The following LILRB5 variants were observed in gnomAD, a reference collection of about 807,000 sequenced individuals.
LILRB5 encodes the protein leukocyte immunoglobulin like receptor B5.
A neutral mutation model predicts 68.4 loss-of-function variants in LILRB5; 61 were observed. That is an observed-to-expected ratio of 0.89 (90% confidence interval 0.73 to 1.10). The LOEUF (loss-of-function observed/expected upper bound fraction) is 1.10. LILRB5 is among the 50% of genes least tolerant of loss of function. LILRB5 has a pLI of 0.00. For synonymous variants in LILRB5, 356 were observed against 315.8 expected (o/e 1.13, Z -1.35); for missense variants, 771 against 751.6 (o/e 1.03, Z -0.30).
chr19:54,255,868 G>A (rs2079123081), intron 4 of LILRB5, 175 bp downstream of exon 4: 1 of 661,450 alleles, frequency 1.5e-6, no homozygotes, highest in Non-Finnish European at 2.5e-6. Flanking sequence ...CCAGGTGAGG[G>A]TGACTCAGGC....
At chr19:54,256,460 G>A (rs1250121323) in intron 3 of LILRB5, 29 bp downstream of exon 3, 1 of 1,611,768 alleles carries the variant, frequency 6.2e-7, no homozygotes, top group East Asian at 2.2e-5. Flanking sequence ...GGCAGAGCCT[G>A]GGGCTGGGAC....
At position 54,256,562 on chromosome 19, in the gene LILRB5, C is replaced by CTGTCACATGA; in HGVS notation, c.281_282insTCATGTGACA (p.Arg95HisfsTer10). 1 of 1,614,144 alleles carries CTGTCACATGA rather than the reference C, an allele frequency of 6.2e-7. No individual in the cohort carries two copies. Among genetic ancestry groups the CTGTCACATGA allele is most frequent in the Non-Finnish European group, 8.5e-7 (1 of 1,180,004 alleles). ...GGGTCTCATAGTAGCAGCGGTATCG[C>CTGTCACATGA]CCTGCACTGTCATACACCGTGGATG... is the stretch of plus-strand genomic sequence containing the variant. On this transcript the variant is annotated frameshift_variant, in exon 3 of 13. Coordinates refer to ENST00000449561, the MANE Select transcript of LILRB5 (RefSeq NM_001081442.3). LOFTEE classifies it high-confidence loss of function.
At position 54,255,351 on chromosome 19, in the gene LILRB5, T is replaced by C; in HGVS notation, c.887A>G (p.Tyr296Cys). The change falls in exon 5 of 13, where the codon TAC becomes TGC. Residue 296 changes from tyrosine to cysteine, a missense_variant. Coordinates refer to ENST00000449561, the MANE Select transcript of LILRB5 (RefSeq NM_001081442.3). Reference protein sequence around the residue: ...SRSHGGQYRCYGAHNLSPRWS... With the variant: ...SRSHGGQYRCCGAHNLSPRWS... ...CCTAGGGGAGAGGTTGTGTGCACCG[T>C]AGCATCTGTACTGGCCCCCGTGGGA... is the stretch of plus-strand genomic sequence containing the variant. The C allele has an allele frequency of 3.1e-6, 5 of 1,613,936 alleles. No individual in the cohort carries two copies. Among genetic ancestry groups the C allele is most frequent in the Non-Finnish European group, 4.2e-6 (5 of 1,179,976 alleles).
intron 9 of LILRB5, 21 bp from the exon 10 acceptor site, chr19:54,252,570 G>T (rs74753710): frequency 0.025 from 39,933 of 1,613,064 alleles, 850 homozygotes; most frequent in South Asian, 0.081. Flanking sequence ...ATGGACAGAG[G>T]GTCAGGCCTG....
rs1308518251 is a variant in LILRB5, at chr19:54,254,853, T to C, written c.1137A>G (p.Glu379=). The C allele has an allele frequency of 1.2e-6, 2 of 1,614,104 alleles. No homozygotes were observed. The highest frequency in any genetic ancestry group is 2.2e-5 in the South Asian group (2 of 91,080). Residue 379 remains glutamate (E), a synonymous_variant, in exon 6 of 13, where the codon GAA becomes GAG. Coordinates refer to ENST00000449561, the MANE Select transcript of LILRB5 (RefSeq NM_001081442.3). ...CTGAGGTCACAGGACTCATGGAGAA[T>C]TCAGCCTGGTGTCTATAAGACTGGT... ...SKYQSYRHQA[E]FSMSPVTSAQ...
chr19:54,256,294 G>A lies in LILRB5; in HGVS notation c.404C>T (p.Ala135Val). ...CTGGAGGGTCACATTTCCTCCTGAG[G>A]CCACCACAGGACTCGGCAGGGCTAA... ...TLLALPSPVV[A>V]SGGNVTLQCD... The change falls in exon 4 of 13, where the codon GCC becomes GTC. Residue 135 changes from alanine (A) to valine (V), a missense_variant. Physicochemically the swap from Ala to Val is moderately conservative, Grantham distance 64. Coordinates refer to ENST00000449561, the MANE Select transcript of LILRB5 (RefSeq NM_001081442.3). 6.2e-7 allele frequency: 1 copy of A among 1,613,330 alleles called. No individual in the cohort carries two copies. The highest frequency in any genetic ancestry group is 8.5e-7 in the Non-Finnish European group (1 of 1,179,846).
chr19:54,254,350 G>A lies in LILRB5; in HGVS notation c.1306+15C>T, dbSNP rs1033546756. On this transcript the variant is annotated intron_variant, in intron 7 of 12. Transcript: ENST00000449561. ...GACCACGCTCCCTCCGAGCCCAGAG[G>A]CCTCAGTGACTCACCAGGTGTGGGG... The A allele has an allele frequency of 1.9e-6, 3 of 1,568,508 alleles. No individual in the cohort carries two copies. The highest frequency in any genetic ancestry group is 1.7e-4 in the Middle Eastern group (1 of 5,982).
Position 54,254,389 on chromosome 19 carries a change from G to C in LILRB5, c.1282C>G (p.Pro428Ala). ...SGPSGDPSLS[P>A]TGSTPTPAGP... ...CCAGGTGTGGGGGTGGAGCCTGTAG[G>C]TGAGAGGCTGGGATCCCCAGAGGGT... The change falls in exon 7 of 13, where the codon CCT (proline) becomes GCT (alanine). Residue 428 changes from proline to alanine, a missense_variant. Coordinates refer to ENST00000449561, the MANE Select transcript of LILRB5 (RefSeq NM_001081442.3). 1 of 1,585,646 alleles carries C rather than the reference G, an allele frequency of 6.3e-7. No homozygotes were observed. Among genetic ancestry groups the C allele is most frequent in the Non-Finnish European group, 8.6e-7 (1 of 1,165,916 alleles).
At chr19:54,253,559 A>C in intron 8 of LILRB5, 1 of 388,182 alleles carries the variant, frequency 2.6e-6, no homozygotes, top group South Asian at 2.9e-5. Flanking sequence ...GCCAGGTCCC[A>C]TGATTTTGCT....
chr19:54,252,584 G>T, intron 9 of LILRB5, 35 bp from the exon 10 acceptor site: 4 of 1,611,478 alleles, frequency 2.5e-6, no homozygotes, highest in Non-Finnish European at 2.5e-6. Flanking sequence ...AGGCCTGGGA[G>T]AATTCGAACC....
In LILRB5 at chr19:54,254,837, C is replaced by T; in HGVS notation, c.1153G>A (p.Val385Met). 2 of 1,614,156 alleles carry T rather than the reference C, an allele frequency of 1.2e-6. No individual in the cohort carries two copies. ...RHQAEFSMSPVTSAQGGTYRC... is the reference protein window; with the variant it reads ...RHQAEFSMSPMTSAQGGTYRC... ...TAGGTTCCACCCTGGGCTGAGGTCA[C>T]AGGACTCATGGAGAATTCAGCCTGG... The change falls in exon 6 of 13, where the codon GTG (valine) becomes ATG (methionine). Residue 385 changes from valine (V) to methionine (M), a missense_variant. Physicochemically the swap from Val to Met is conservative, Grantham distance 21. Coordinates refer to ENST00000449561, the MANE Select transcript of LILRB5 (RefSeq NM_001081442.3).
chr19:54,256,405 G>A, intron 3 of LILRB5, 63 bp from the exon 4 acceptor site: 1 of 1,591,002 alleles, frequency 6.3e-7, no homozygotes, highest in Non-Finnish European at 8.6e-7. Context: ...CCCAGGGCTG[G>A]GCTGTGAGAG....
Position 54,256,102 on chromosome 19 carries a change from T to G in LILRB5, c.596A>C (p.Tyr199Ser), listed in dbSNP as rs1467179906. Reference protein sequence around the residue: ...CRWRFRCYYYYRKNPQVWSNP... With the variant: ...CRWRFRCYYYSRKNPQVWSNP... The stretch of plus-strand genomic sequence containing the variant: ...CGACCACACCTGAGGGTTTTTCCTG[T>G]AATAGTAATAGCATCTGAACCTCCA... The change falls in exon 4 of 13, where the codon TAC (tyrosine) becomes TCC (serine). Residue 199 changes from tyrosine (Y) to serine (S), a missense_variant. Coordinates refer to ENST00000449561, the MANE Select transcript of LILRB5 (RefSeq NM_001081442.3). 3 of 1,593,250 alleles carry G rather than the reference T, an allele frequency of 1.9e-6. No individual in the cohort carries two copies. The South Asian group carries it at 3.4e-5, about 18-fold the overall frequency.
At chr19:54,251,662 C>T (rs1011016695) in intron 12 of LILRB5, 95 of 613,904 alleles carry the variant, frequency 1.5e-4, no homozygotes, top group Non-Finnish European at 2.1e-4. Flanking sequence ...GAGGCGGGGG[C>T]GGCTTTGCTC....
At chr19:54,251,800 G>A (rs61016867) in intron 12 of LILRB5, 125,591 of 700,038 alleles carry the variant, frequency 0.18, 12,211 homozygotes, top group Middle Eastern at 0.26. Flanking sequence ...ATCCTCCTGA[G>A]GCCTGGGGAG....
intron 1 of LILRB5, 52 bp downstream of exon 1, chr19:54,257,108 G>A: frequency 1.2e-6 from 2 of 1,614,026 alleles, no homozygotes; most frequent in Non-Finnish European, 1.7e-6. Context: ...CCTCGCTTTA[G>A]AGTGAGCTCC....
Position 54,257,204 on chromosome 19 carries a change from C to T in LILRB5, c.-11G>A. ...GAGGGTGAGGGTCATGGCGTCAGCT[C>T]CCACTGGACTCAGCTGTGCAGGCGG... is the stretch of plus-strand genomic sequence containing the variant. On this transcript the variant is annotated 5_prime_UTR_variant, in exon 1 of 13. Coordinates refer to ENST00000449561, the MANE Select transcript of LILRB5 (RefSeq NM_001081442.3). The T allele has an allele frequency of 6.2e-7, 1 of 1,614,198 alleles. No homozygotes were observed. The highest frequency in any genetic ancestry group is 8.5e-7 in the Non-Finnish European group (1 of 1,180,016).
Position 54,254,905 on chromosome 19 carries a change from TGGGCTGCCCCCTCCTTG to T in LILRB5, c.1068_1084del (p.Lys357SerfsTer13). 6.2e-7 allele frequency: 1 copy of T among 1,614,008 alleles called. No homozygotes were observed. The highest frequency in any genetic ancestry group is 2.2e-5 in the East Asian group (1 of 44,874). On this transcript the variant is annotated frameshift_variant, in exon 6 of 13. Transcript: ENST00000449561. LOFTEE classifies it high-confidence loss of function. ...CTTTGACTTTAGACACAGCGGGGGA[TGGGCTGCCCCCTCCTTG>T]GTCAAAAAGAAAGTGTCTATCTGAT...
Position 54,256,717 on chromosome 19 carries a change from T to TC in LILRB5, c.126dup (p.Lys43GlufsTer14), listed in dbSNP as rs1569065574. 6.2e-7 allele frequency: 1 copy of TC among 1,613,896 alleles called. No homozygotes were observed. Among genetic ancestry groups the TC allele is most frequent in the South Asian group, 1.1e-5 (1 of 91,070 alleles). ...CCCTGACACCAGAGGGTCACGGGCTTCCCCCGAGCTATCACAGAGGCTGGC... is the reference window on the plus strand; with the variant it reads ...CCCTGACACCAGAGGGTCACGGGCTTCCCCCCGAGCTATCACAGAGGCTGGC... On this transcript the variant is annotated frameshift_variant, in exon 3 of 13. Coordinates refer to ENST00000449561, the MANE Select transcript of LILRB5 (RefSeq NM_001081442.3). LOFTEE classifies it high-confidence loss of function.
Sources: gnomAD v4.1 joint callset for allele counts on GRCh38, gnomAD v4.1.1 for gene constraint, MANE v1.5 for transcripts, NCBI Gene and HGNC (gene_info 2026-07-23, HGNC 2026-07-21) for gene names.